PSMA8: variants seen among roughly 807,000 people sequenced by gnomAD.
The protein encoded by PSMA8 is proteasome subunit alpha-type 8.
Under a neutral mutation model 32.4 loss-of-function variants are expected in PSMA8, and 18 were observed. The observed-to-expected ratio is 0.56, with a 90% CI of 0.38 to 0.82. The LOEUF is 0.82. PSMA8 is among the 40% of genes least tolerant of loss of function. The pLI is 0.00. For synonymous variants in PSMA8, 104 were observed against 98.1 expected, an observed-to-expected ratio of 1.06 and a Z score of -0.36; for missense variants, 298 against 300.7, an observed-to-expected ratio of 0.99 and a Z score of 0.07.
intron 4 of PSMA8, among the ~76,000 whole-genome samples, chr18:26,163,484 T>A (rs963360735): frequency 6.6e-6 from 1 of 152,038 alleles, no homozygotes; most frequent in Non-Finnish European, 1.5e-5. Context: ...AAATAGCAAC[T>A]AGGCTATTAT....
In PSMA8 at chr18:26,192,399, G is replaced by T. The variant is rs1775130275; in HGVS notation, c.741G>T (p.Lys247Asn). 3 of 1,531,632 alleles carry T rather than the reference G, an allele frequency of 2.0e-6. No homozygotes were observed. The highest frequency in any genetic ancestry group is 2.9e-5 in the African/African-American group (2 of 69,446). 94.9% of individuals were successfully genotyped at this position (1,531,632 alleles called of 1,614,324 possible). Reference protein sequence around the residue: ...EKEEAEKKKSKKSV With the variant: ...EKEEAEKKKSNKSV ...AAGAAGCAGAGAAGAAAAAATCAAA[G>T]AAATCTGTCTAATTCTTAGGATGAC... The change falls in exon 7 of 7, where the codon AAG becomes AAT. Residue 247 changes from lysine (K) to asparagine (N), a missense_variant. Coordinates refer to ENST00000415576, the MANE Select transcript of PSMA8 (RefSeq NM_001025096.2).
At chr18:26,161,205 C>A (rs2055132120) in intron 4 of PSMA8, among the ~76,000 whole-genome samples, 2 of 152,120 alleles carry the variant, frequency 1.3e-5, no homozygotes, top group East Asian at 3.8e-4. Flanking sequence ...GGAACTAGAA[C>A]CTTTAAACTA....
chr18:26,171,043 C>T lies in PSMA8; in HGVS notation c.478-7787C>T, dbSNP rs192663401. The T allele has an allele frequency of 1.8e-5, 28 of 1,557,784 alleles. 3 individuals are homozygous for T. The Admixed American group carries it at 1.8e-4, about 10-fold the overall frequency. ...AGAAAATGAGCTCCTTGTGGAGGTT[C>T]CTTGAGTTCTCTGCTGAGAACTAAA... On this transcript the variant is annotated intron_variant, in intron 4 of 6. Coordinates refer to ENST00000415576, the MANE Select transcript of PSMA8 (RefSeq NM_001025096.2).
chr18:26,178,741 A>C, intron 4 of PSMA8, 89 bp from the exon 5 acceptor site: 3 of 1,165,424 alleles, frequency 2.6e-6, no homozygotes, highest in Non-Finnish European at 3.7e-6. Flanking sequence ...GGTATACTGG[A>C]GTAAACTCCA....
At chr18:26,171,875 A>G (rs575095173) in intron 4 of PSMA8, among the ~76,000 whole-genome samples, 1 of 152,380 alleles carries the variant, frequency 6.6e-6, no homozygotes, top group Non-Finnish European at 1.5e-5. Flanking sequence ...GTCAGAAACA[A>G]AGACTTTATT....
At chr18:26,144,527 C>T in intron 1 of PSMA8, 32 bp from the exon 2 acceptor site, 1 of 1,580,714 alleles carries the variant, frequency 6.3e-7, no homozygotes, top group Middle Eastern at 1.7e-4. Context: ...AAACTGACAT[C>T]TGAATATATA....
chr18:26,187,474 A>G (rs899180705), intron 6 of PSMA8, among the ~76,000 whole-genome samples: 3 of 152,158 alleles, frequency 2.0e-5, no homozygotes, highest in Non-Finnish European at 4.4e-5. Flanking sequence ...TCTCCAATCA[A>G]AAGATATAGA....
chr18:26,182,939 A>G (rs1463972262), intron 6 of PSMA8, among the ~76,000 whole-genome samples: 1 of 152,024 alleles, frequency 6.6e-6, no homozygotes, highest in East Asian at 1.9e-4. Context: ...CACAAATACA[A>G]AAATTAGCTG....
intron 3 of PSMA8, among the ~76,000 whole-genome samples, chr18:26,154,895 G>A (rs928213355): frequency 3.9e-5 from 6 of 152,084 alleles, no homozygotes; most frequent in East Asian, 3.9e-4. Context: ...GATTACAGGC[G>A]TGAGCCACCA....
chr18:26,167,934 C>T (rs2055193474), intron 4 of PSMA8, among the ~76,000 whole-genome samples: 1 of 115,384 alleles, frequency 8.7e-6, no homozygotes, highest in Admixed American at 8.6e-5. Context: ...TGGTTAAGTA[C>T]AATTAAATGG....
At chr18:26,161,630 T>C (rs1234658005) in intron 4 of PSMA8, among the ~76,000 whole-genome samples, 1 of 152,198 alleles carries the variant, frequency 6.6e-6, no homozygotes, top group Non-Finnish European at 1.5e-5. Context: ...CCTAGCTACT[T>C]GAGAAGCTGA....
chr18:26,161,006 G>T (rs867707500), intron 4 of PSMA8, among the ~76,000 whole-genome samples: 3 of 152,112 alleles, frequency 2.0e-5, no homozygotes, highest in African/African-American at 7.2e-5. Flanking sequence ...ATTGTATAAT[G>T]GTAACTTTAT....
At chr18:26,145,641 C>A in intron 2 of PSMA8, among the ~76,000 whole-genome samples, 1 of 152,098 alleles carries the variant, frequency 6.6e-6, no homozygotes, top group South Asian at 2.1e-4. Context: ...TCAGATTAAT[C>A]TTTTTTATTC....
chr18:26,163,535 T>A (rs992177505), intron 4 of PSMA8, among the ~76,000 whole-genome samples: 2 of 152,132 alleles, frequency 1.3e-5, no homozygotes, highest in Admixed American at 1.3e-4. Flanking sequence ...TAAGCATCTA[T>A]AATCCAAAAA....
At chr18:26,139,785 G>C (rs2054940219) in intron 1 of PSMA8, among the ~76,000 whole-genome samples, 1 of 152,138 alleles carries the variant, frequency 6.6e-6, no homozygotes. Context: ...GCTGAGGGAT[G>C]ATGACAATAT....
At chr18:26,178,803 T>G in intron 4 of PSMA8, 27 bp from the exon 5 acceptor site, 2 of 1,596,954 alleles carry the variant, frequency 1.3e-6, no homozygotes, top group Non-Finnish European at 1.7e-6. Context: ...TGCAATGATA[T>G]TAATAAATTA....
Position 26,185,466 on chromosome 18 carries a change from A to G in PSMA8, c.660+6336A>G, listed in dbSNP as rs545771460. On this transcript the variant is annotated intron_variant, in intron 6 of 6. Coordinates refer to ENST00000415576, the MANE Select transcript of PSMA8 (RefSeq NM_001025096.2). ...GGTTGATTCCTCTCATGACCACCAGAGGCAATCAGAATGATTTATTTTCCT... is the reference window on the plus strand; with the variant it reads ...GGTTGATTCCTCTCATGACCACCAGGGGCAATCAGAATGATTTATTTTCCT... Among the ~76,000 whole-genome samples, 54 of 150,834 alleles carry G rather than the reference A, an allele frequency of 3.6e-4. 4 individuals are homozygous for G. The highest frequency in any genetic ancestry group is 1.1e-3 in the African/African-American group (45 of 40,912).
chr18:26,137,341 C>G (rs2054919497), intron 1 of PSMA8, among the ~76,000 whole-genome samples: 1 of 152,104 alleles, frequency 6.6e-6, no homozygotes, highest in African/African-American at 2.4e-5. Context: ...TGCCTGTATT[C>G]CCAGCTACTT....
chr18:26,145,969 A>T (rs1276385693), intron 2 of PSMA8, among the ~76,000 whole-genome samples: 2 of 152,170 alleles, frequency 1.3e-5, no homozygotes, highest in African/African-American at 4.8e-5. Context: ...AATTCCAACT[A>T]GCAATATATG....
Sources: allele counts gnomAD v4.1 joint callset (sites outside exome capture counted in the v4.1 genomes callset), GRCh38; gene constraint gnomAD v4.1.1; transcripts MANE v1.5; gene names NCBI Gene and HGNC (gene_info 2026-07-23, HGNC 2026-07-21).